DLG2: variants seen among roughly 807,000 people sequenced by gnomAD.
DLG2 encodes disks large homolog 2.
Under a neutral mutation model 132.5 loss-of-function variants are expected in DLG2, and 45 were observed. The ratio of observed to expected loss-of-function variants is 0.34; its 90% CI spans 0.27 to 0.44. The LOEUF is 0.44. DLG2 is among the 20% of genes least tolerant of loss of function. DLG2 has a pLI of 1.00. For missense variants in DLG2, 1,045 were observed against 1,196.9 expected (o/e 0.87, Z 1.87); for synonymous variants, 424 against 419.6 (o/e 1.01, Z -0.13).
intron 4 of DLG2, among the ~76,000 whole-genome samples, chr11:85,160,242 C>T (rs1283472380): frequency 6.6e-6 from 1 of 152,186 alleles, no homozygotes; most frequent in Non-Finnish European, 1.5e-5. Flanking sequence ...TGTTCCAGAA[C>T]AGGAGAAGGC....
rs561718980 is a variant in DLG2 at position 84,409,825 on chromosome 11, T to C, written c.519+124745A>G. On this transcript the variant is annotated intron_variant, in intron 7 of 27. Transcript: ENST00000376104. ...TATCTGAAAATGGTTCATTTGTATGTTATAAACGTAGCACAATTCCTCCCT... is the reference window on the plus strand; with the variant it reads ...TATCTGAAAATGGTTCATTTGTATGCTATAAACGTAGCACAATTCCTCCCT... Among the ~76,000 whole-genome samples, 52 of 152,300 alleles carry C rather than the reference T, an allele frequency of 3.4e-4. 1 individual carries two copies. The South Asian group carries it at 0.01, about 30-fold the overall frequency.
At chr11:84,813,028 C>A (rs2153974004) in intron 6 of DLG2, among the ~76,000 whole-genome samples, 1 of 152,192 alleles carries the variant, frequency 6.6e-6, no homozygotes, top group South Asian at 2.1e-4. Flanking sequence ...CAATCTCATT[C>A]TTGATGTTTA....
intron 7 of DLG2, among the ~76,000 whole-genome samples, chr11:84,526,475 C>T (rs988694755): frequency 1.3e-5 from 2 of 152,132 alleles, no homozygotes; most frequent in African/African-American, 2.4e-5. Flanking sequence ...CATTATATAG[C>T]AGTCCTTCCT....
chr11:83,696,961 A>C (rs1456763041), intron 18 of DLG2, among the ~76,000 whole-genome samples: 3 of 152,356 alleles, frequency 2.0e-5, no homozygotes, highest in East Asian at 3.9e-4. Context: ...CTGTGGTTCA[A>C]TGCTGCTAAA....
At chr11:83,651,971 A>C (rs375528377) in intron 18 of DLG2, 26 of 446,360 alleles carry the variant, frequency 5.8e-5, no homozygotes, top group African/African-American at 3.0e-4. Context: ...AAATCTACAC[A>C]CTTAAATTCA....
intron 4 of DLG2, among the ~76,000 whole-genome samples, chr11:85,179,900 T>C (rs1220120991): frequency 6.6e-6 from 1 of 151,952 alleles, no homozygotes; most frequent in Non-Finnish European, 1.5e-5. Context: ...ATACTATTAG[T>C]GCACCATTAT....
intron 8 of DLG2, among the ~76,000 whole-genome samples, chr11:84,196,310 G>A (rs1008977081): frequency 2.0e-5 from 3 of 152,152 alleles, no homozygotes; most frequent in African/African-American, 7.2e-5. Flanking sequence ...GAACTCAACA[G>A]ACAGAAAAGA....
intron 7 of DLG2, among the ~76,000 whole-genome samples, chr11:84,436,073 C>G (rs1174439747): frequency 6.6e-6 from 1 of 152,060 alleles, no homozygotes; most frequent in South Asian, 2.1e-4. Flanking sequence ...CCTCAAAAGC[C>G]AACTGTTCAA....
Position 83,833,757 on chromosome 11 carries a change from C to G in DLG2, c.1579G>C (p.Val527Leu). The change falls in exon 17 of 28, where the codon GTA (valine) becomes CTA (leucine). Residue 527 changes from valine (V) to leucine (L), a missense_variant. Val to Leu is a conservative substitution (Grantham distance 32). Coordinates refer to ENST00000376104, the MANE Select transcript of DLG2 (RefSeq NM_001142699.3). ...CCAGTGGAGCCTTTGTGCAGGACTA[C>G]CTTGCGAGGCTCTCTGCAGAAAGAA... ...AVSLEGEPRK[V>L]VLHKGSTGLG... is the part of the protein sequence containing the mutation. 6.2e-7 allele frequency: 1 copy of G among 1,613,738 alleles called. No homozygotes were observed. The highest frequency in any genetic ancestry group is 8.5e-7 in the Non-Finnish European group (1 of 1,179,806).
At chr11:85,412,697 T>C (rs2089422588) in intron 3 of DLG2, among the ~76,000 whole-genome samples, 1 of 147,342 alleles carries the variant, frequency 6.8e-6, no homozygotes, top group Non-Finnish European at 1.5e-5. Context: ...TGCTGCTAAC[T>C]CATTCCTTTT....
At chr11:84,903,471 T>C (rs1353630725) in intron 6 of DLG2, among the ~76,000 whole-genome samples, 2 of 152,134 alleles carry the variant, frequency 1.3e-5, no homozygotes, top group Non-Finnish European at 2.9e-5. Flanking sequence ...AGCACATAGG[T>C]ACCAGTATGC....
At chr11:84,519,933 T>G (rs955511365) in intron 7 of DLG2, among the ~76,000 whole-genome samples, 1 of 152,166 alleles carries the variant, frequency 6.6e-6, no homozygotes, top group Non-Finnish European at 1.5e-5. Context: ...GTGGGTATAG[T>G]TTTTATCTAG....
chr11:84,529,509 T>C (rs2099330136), intron 7 of DLG2, among the ~76,000 whole-genome samples: 1 of 152,042 alleles, frequency 6.6e-6, no homozygotes, highest in South Asian at 2.1e-4. Flanking sequence ...ACATCCAAGC[T>C]GAGAGCAAAA....
chr11:84,915,345 C>T (rs538871889), intron 6 of DLG2, among the ~76,000 whole-genome samples: 4 of 152,124 alleles, frequency 2.6e-5, no homozygotes, highest in Admixed American at 6.5e-5. Context: ...AAAGTTGGAA[C>T]GGAAAATATC....
intron 3 of DLG2, among the ~76,000 whole-genome samples, chr11:85,379,738 T>C (rs888484863): frequency 2.6e-5 from 4 of 152,230 alleles, no homozygotes; most frequent in African/African-American, 7.2e-5. Flanking sequence ...AATGATATTA[T>C]AGAGATTGCA....
chr11:84,032,156 T>A (rs1020295543), intron 11 of DLG2, among the ~76,000 whole-genome samples: 6 of 152,082 alleles, frequency 3.9e-5, no homozygotes, highest in African/African-American at 1.4e-4. Flanking sequence ...AATGTTCAAT[T>A]GAAAGGAGTA....
Position 83,458,731 on chromosome 11 carries a change from G to A in DLG2, c.*1087C>T, listed in dbSNP as rs1453114274. The A allele has an allele frequency of 1.3e-5, 2 of 152,166 alleles. No individual in the cohort carries two copies. Among genetic ancestry groups the A allele is most frequent in the Non-Finnish European group, 2.9e-5 (2 of 68,046 alleles). The allele number at this position is 152,166 out of a possible 1,614,324, so 9.4% of individuals were successfully genotyped here. A position where few individuals can be genotyped will look rare whatever the true frequency, so the allele number is the denominator to read the frequency against. The stretch of plus-strand genomic sequence containing the variant: ...GGCAGGCTCAGGTTATTTAACTAGA[G>A]GAAAGCAAAAACTTCCCTTTAGATC... On this transcript the variant is annotated 3_prime_UTR_variant, in exon 28 of 28. Coordinates refer to ENST00000376104, the MANE Select transcript of DLG2 (RefSeq NM_001142699.3).
chr11:84,989,480 G>A (rs1015045547), intron 6 of DLG2, among the ~76,000 whole-genome samples: 4 of 152,148 alleles, frequency 2.6e-5, no homozygotes, highest in Middle Eastern at 3.4e-3. Flanking sequence ...CTGGCCATAA[G>A]TTCTAAATAA....
intron 9 of DLG2, among the ~76,000 whole-genome samples, chr11:84,141,647 G>A (rs2094851445): frequency 1.4e-5 from 2 of 147,254 alleles, no homozygotes; most frequent in African/African-American, 5.4e-5. Flanking sequence ...AAAGTGAACA[G>A]GAGCCAAGTT....
Sources: gnomAD v4.1 joint callset for allele counts (sites outside exome capture counted in the v4.1 genomes callset) on GRCh38, gnomAD v4.1.1 for gene constraint, MANE v1.5 for transcripts, NCBI Gene and HGNC (gene_info 2026-07-23, HGNC 2026-07-21) for gene names.